The following BLTP1 variants were observed in gnomAD, a reference collection of about 807,000 sequenced individuals.
The protein encoded by BLTP1 is fragile site-associated protein.
chr4:122,152,378 C>G, the BLTP1 span: 35 of 985,872 alleles, frequency 3.6e-5, no homozygotes, highest in Non-Finnish European at 4.2e-5. Flanking sequence ...CTCCTCCGCC[C>G]CCTTGGGTGT....
the BLTP1 span, chr4:122,261,472 T>TA: frequency 1.0e-6 from 1 of 982,588 alleles, no homozygotes; most frequent in Non-Finnish European, 1.2e-6. Context: ...TACTGTATTT[T>TA]AAATTGATCG....
At chr4:122,275,673 T>C in the BLTP1 span, among the ~76,000 whole-genome samples, 2 of 152,156 alleles carry the variant, frequency 1.3e-5, no homozygotes, top group Non-Finnish European at 1.5e-5. Flanking sequence ...ATATAGCTGA[T>C]ATTTCTTGCT....
the BLTP1 span, chr4:122,270,970 G>A: frequency 4.7e-6 from 7 of 1,505,318 alleles, no homozygotes; most frequent in Non-Finnish European, 5.3e-6. Context: ...GTATGTTTCT[G>A]GAAAAATGGA....
At chr4:122,219,655 A>G in the BLTP1 span, 3 of 882,662 alleles carry the variant, frequency 3.4e-6, no homozygotes, top group Non-Finnish European at 5.2e-6. Context: ...CACTTAGAAA[A>G]AGAAAATCAG....
chr4:122,328,172 T>C, the BLTP1 span: 1 of 1,611,038 alleles, frequency 6.2e-7, no homozygotes, highest in Non-Finnish European at 8.5e-7. Flanking sequence ...ATTCATCAAA[T>C]AGTGAAGGAT....
the BLTP1 span, among the ~76,000 whole-genome samples, chr4:122,326,466 T>A: frequency 6.6e-6 from 1 of 151,768 alleles, no homozygotes; most frequent in Admixed American, 6.6e-5. Flanking sequence ...TTTGTCACTC[T>A]CTTCAAGCTT....
the BLTP1 span, chr4:122,249,828 G>A: frequency 1.4e-6 from 2 of 1,414,460 alleles, no homozygotes; most frequent in South Asian, 3.0e-5. Flanking sequence ...TACCGGGGGT[G>A]AGTGCCTCAT....
At chr4:122,175,863 T>G in the BLTP1 span, 58 of 1,580,530 alleles carry the variant, frequency 3.7e-5, no homozygotes, top group Non-Finnish European at 5.0e-5. Flanking sequence ...TCAAGATGGA[T>G]TCATCATTTT....
the BLTP1 span, among the ~76,000 whole-genome samples, chr4:122,235,792 G>A: frequency 2.6e-5 from 4 of 151,850 alleles, no homozygotes; most frequent in East Asian, 5.8e-4. Flanking sequence ...GCGACAGAGC[G>A]AGACTCCGTC....
At chr4:122,307,095 A>G in the BLTP1 span, among the ~76,000 whole-genome samples, 1 of 152,028 alleles carries the variant, frequency 6.6e-6, no homozygotes, top group Non-Finnish European at 1.5e-5. Flanking sequence ...AGTGTTTCAG[A>G]TTTTGGATTT....
At chr4:122,177,732 C>G in the BLTP1 span, among the ~76,000 whole-genome samples, 1 of 152,106 alleles carries the variant, frequency 6.6e-6, no homozygotes, top group Admixed American at 6.6e-5. Flanking sequence ...TATTCATTCC[C>G]TTATTTGCTT....
the BLTP1 span, chr4:122,269,817 C>G: frequency 7.6e-6 from 3 of 394,954 alleles, no homozygotes; most frequent in Non-Finnish European, 1.0e-5. Flanking sequence ...TCTTTGCTGT[C>G]TCTAGTAAAA....
At chr4:122,246,332 A>G in the BLTP1 span, 3 of 1,490,240 alleles carry the variant, frequency 2.0e-6, no homozygotes, top group African/African-American at 1.4e-5. Flanking sequence ...TTTTTCCTGA[A>G]AGAGGAGAGC....
the BLTP1 span, chr4:122,244,619 G>C: frequency 2.0e-6 from 2 of 981,112 alleles, no homozygotes; most frequent in African/African-American, 3.5e-5. Context: ...GTGTAGAAGC[G>C]GTTGGGAAGA....
the BLTP1 span, chr4:122,263,686 C>A: frequency 1.3e-6 from 1 of 781,920 alleles, no homozygotes; most frequent in Non-Finnish European, 2.0e-6. Context: ...GGTTAAAAAT[C>A]AAACAAGTAC....
At chr4:122,192,330 T>C in the BLTP1 span, 3 of 1,613,594 alleles carry the variant, frequency 1.9e-6, no homozygotes, top group Non-Finnish European at 2.5e-6. Context: ...GGATATAGTT[T>C]GTGGTAAAGG....
the BLTP1 span, chr4:122,362,331 A>G: frequency 1.9e-6 from 2 of 1,030,944 alleles, no homozygotes. Flanking sequence ...AATTTGAAAT[A>G]TAACTTTAAA....
chr4:122,220,138 C>T, the BLTP1 span: 7 of 182,954 alleles, frequency 3.8e-5, no homozygotes, highest in East Asian at 3.8e-4. Context: ...GTGGTGGGGC[C>T]GGTGGCCCTC....
At chr4:122,350,343 A>C in the BLTP1 span, 1 of 985,038 alleles carries the variant, frequency 1.0e-6, no homozygotes, top group African/African-American at 1.7e-5. Flanking sequence ...GTTTATGAGA[A>C]TATCATGTTC....
Sources: gnomAD v4.1 joint callset for allele counts (sites outside exome capture counted in the v4.1 genomes callset) on GRCh38, gnomAD v4.1.1 for gene constraint, MANE v1.5 for transcripts, NCBI Gene and HGNC (gene_info 2026-07-23, HGNC 2026-07-21) for gene names.